The following SPATA6L variants were observed in gnomAD, a reference collection of about 807,000 sequenced individuals.
SPATA6L encodes the protein spermatogenesis associated 6-like protein.
In SPATA6L, 68 loss-of-function variants were observed where a neutral mutation model predicts 49.2. The observed-to-expected ratio is 1.38, with a 90% CI of 1.14 to 1.69. The LOEUF (loss-of-function observed/expected upper bound fraction) is 1.69. SPATA6L is among the 40% of genes most tolerant of loss of function. SPATA6L has a pLI of 0.00. For missense variants in SPATA6L, 668 were observed against 464.3 expected, an observed-to-expected ratio of 1.44 and a Z score of -4.03; for synonymous variants, 198 against 165.7, an observed-to-expected ratio of 1.19 and a Z score of -1.50.
rs1823011399 is a variant in SPATA6L at position 4,600,645 on chromosome 9, A to G, written c.*166T>C. 1 of 152,088 alleles carries G rather than the reference A, an allele frequency of 6.6e-6. No individual in the cohort carries two copies. Among genetic ancestry groups the G allele is most frequent in the African/African-American group, 2.4e-5 (1 of 41,392 alleles). 9.4% of individuals were successfully genotyped at this position (152,088 alleles called of 1,614,324 possible). On this transcript the variant is annotated 3_prime_UTR_variant, in exon 12 of 12. Transcript: ENST00000682582. ...CAAACAGCAAACACTTTAATCAACAACTCTTACCTGGGCACAAAAGACTGA... is the reference window on the plus strand; with the variant it reads ...CAAACAGCAAACACTTTAATCAACAGCTCTTACCTGGGCACAAAAGACTGA...
At chr9:4,651,014 T>G (rs1353559334) in intron 3 of SPATA6L, among the ~76,000 whole-genome samples, 1 of 152,122 alleles carries the variant, frequency 6.6e-6, no homozygotes, top group Non-Finnish European at 1.5e-5. Context: ...GAAATAATTT[T>G]TTTTTTAAGA....
intron 3 of SPATA6L, chr9:4,646,477 G>A (rs1452029542): frequency 1.3e-6 from 2 of 1,510,710 alleles, no homozygotes; most frequent in Middle Eastern, 1.7e-4. Context: ...CGGATTTACT[G>A]CCACATTACC....
chr9:4,604,085 T>C (rs1416973645), intron 11 of SPATA6L, 94 bp downstream of exon 11: 3 of 785,356 alleles, frequency 3.8e-6, no homozygotes, highest in African/African-American at 3.5e-5. Context: ...CCACACTTTC[T>C]AGTTACTTCA....
At chr9:4,604,616 A>G (rs1438826182) in intron 10 of SPATA6L, among the ~76,000 whole-genome samples, 1 of 152,216 alleles carries the variant, frequency 6.6e-6, no homozygotes, top group East Asian at 1.9e-4. Context: ...ATGACTTTGC[A>G]GAAAAGAATT....
At position 4,662,586 on chromosome 9, in the gene SPATA6L, T is replaced by C; in HGVS notation, c.40-550A>G. The C allele has an allele frequency of 6.3e-7, 1 of 1,591,838 alleles. No homozygotes were observed. The highest frequency in any genetic ancestry group is 2.2e-5 in the East Asian group (1 of 44,620). On this transcript the variant is annotated intron_variant, in intron 1 of 11. Transcript: ENST00000682582. This position sits in a 1 kb window ranked among gnomAD's most constrained non-coding sequence, Gnocchi z 4.9. ...GAGCCCAGTTCACCGCCGCGGCTCCTTCCCCCTGGCCGCGGCGGGCCCCTC... is the reference window on the plus strand; with the variant it reads ...GAGCCCAGTTCACCGCCGCGGCTCCCTCCCCCTGGCCGCGGCGGGCCCCTC...
chr9:4,638,187 G>GAAGACAGT (rs199655735), intron 3 of SPATA6L, among the ~76,000 whole-genome samples: 49 of 151,636 alleles, frequency 3.2e-4, no homozygotes, highest in African/African-American at 1.0e-3. Context: ...AGGAAGACAG[G>GAAGACAGT]AGGGAAGATG....
chr9:4,655,798 G>A (rs140254853), intron 3 of SPATA6L, among the ~76,000 whole-genome samples: 6 of 152,160 alleles, frequency 3.9e-5, no homozygotes, highest in Admixed American at 1.3e-4. Context: ...GGATTCACCC[G>A]CCTCGGCCTC....
intron 9 of SPATA6L, among the ~76,000 whole-genome samples, chr9:4,610,520 A>G (rs1826443872): frequency 1.4e-5 from 2 of 141,544 alleles, no homozygotes; most frequent in African/African-American, 2.7e-5. Context: ...GATCTTTGAC[A>G]AACCTGAGAA....
At chr9:4,619,815 G>A (rs375945083) in intron 7 of SPATA6L, among the ~76,000 whole-genome samples, 11 of 152,156 alleles carry the variant, frequency 7.2e-5, no homozygotes, top group South Asian at 6.2e-4. Flanking sequence ...ACCTAATGCC[G>A]AAGTATGGCA....
intron 5 of SPATA6L, 77 bp downstream of exon 5, chr9:4,629,014 G>A: frequency 3.0e-6 from 3 of 996,186 alleles, no homozygotes; most frequent in Non-Finnish European, 3.0e-6. Context: ...TTAATAAACT[G>A]AGTTTGGGCA....
At chr9:4,612,467 C>CAA (rs1221994477) in intron 9 of SPATA6L, among the ~76,000 whole-genome samples, 2 of 152,332 alleles carry the variant, frequency 1.3e-5, no homozygotes, top group Non-Finnish European at 2.9e-5. Context: ...GCTCACTACT[C>CAA]TTATTAACTC....
At chr9:4,592,136 G>A (rs1821942151) in intron 13 of SPATA6L, among the ~76,000 whole-genome samples, 1 of 152,026 alleles carries the variant, frequency 6.6e-6, no homozygotes, top group Non-Finnish European at 1.5e-5. Flanking sequence ...CCAACATGAT[G>A]AAACCCTGTC....
chr9:4,592,176 G>A (rs1379816418), intron 13 of SPATA6L, among the ~76,000 whole-genome samples: 2 of 152,104 alleles, frequency 1.3e-5, no homozygotes, highest in African/African-American at 2.4e-5. Context: ...TTAGCCAGGT[G>A]TAGTGGCACA....
At position 4,656,035 on chromosome 9, in the gene SPATA6L, A is replaced by G; in HGVS notation, c.226+6T>C. The G allele has an allele frequency of 3.1e-6, 5 of 1,610,196 alleles. No homozygotes were observed. Among genetic ancestry groups the G allele is most frequent in the Middle Eastern group, 1.7e-4 (1 of 6,060 alleles). On this transcript the variant is annotated splice_donor_region_variant and intron_variant, in intron 3 of 11. Coordinates refer to ENST00000682582, the MANE Select transcript of SPATA6L (RefSeq NM_001353486.2). ...GGTTTTTTGTTTTGTTTTTCAGAGT[A>G]CCTACTTTCCAAAAGGTCTACTACA...
chr9:4,597,299 T>TA (rs769909177), downstream of SPATA6L, among the ~76,000 whole-genome samples: 41 of 148,062 alleles, frequency 2.8e-4, no homozygotes, highest in African/African-American at 6.4e-4. Flanking sequence ...TTTTTATATA[T>TA]ATAAAAAAAG....
chr9:4,609,115 A>G (rs1366316896), intron 9 of SPATA6L, among the ~76,000 whole-genome samples: 1 of 151,524 alleles, frequency 6.6e-6, no homozygotes, highest in Non-Finnish European at 1.5e-5. Context: ...GAATCTCTGA[A>G]TAGACCAATA....
At chr9:4,593,507 C>T (rs1450476325), downstream of SPATA6L, among the ~76,000 whole-genome samples, 29 of 151,984 alleles carry the variant, frequency 1.9e-4, no homozygotes, top group Admixed American at 1.9e-3. Flanking sequence ...AAAACTGGAA[C>T]CCTATTTCTC....
At chr9:4,607,029 G>C (rs1312657130) in intron 9 of SPATA6L, among the ~76,000 whole-genome samples, 1 of 150,440 alleles carries the variant, frequency 6.6e-6, no homozygotes, top group African/African-American at 2.5e-5. Flanking sequence ...CAATCAACTG[G>C]AAGAAAGGGT....
At chr9:4,627,881 GGATA>G in intron 5 of SPATA6L, 1 of 1,079,524 alleles carries the variant, frequency 9.3e-7, no homozygotes, top group Non-Finnish European at 1.3e-6. Flanking sequence ...ACAGATGAAT[GGATA>G]AAGAAATTAT....
Sources: allele counts gnomAD v4.1 joint callset (sites outside exome capture counted in the v4.1 genomes callset), GRCh38; gene constraint gnomAD v4.1.1; non-coding constraint Gnocchi (gnomAD v3.1); transcripts MANE v1.5; gene names NCBI Gene and HGNC (gene_info 2026-07-23, HGNC 2026-07-21).